THAP12: variants seen among roughly 807,000 people sequenced by gnomAD.
THAP12 encodes the protein 52 kDa repressor of the inhibitor of the protein kinase.
In THAP12, 20 loss-of-function variants were observed where a neutral mutation model predicts 63.0. The ratio of observed to expected loss-of-function variants is 0.32; its 90% CI spans 0.22 to 0.46. The LOEUF (loss-of-function observed/expected upper bound fraction) is 0.46, where lower values mean the gene tolerates loss of function less well. Among genes scored for constraint, THAP12 ranks in the 20% least tolerant of loss-of-function variants. The pLI is 1.00. For synonymous variants in THAP12, 264 were observed against 328.4 expected (o/e 0.80, Z 2.12); for missense variants, 568 against 908.2 (o/e 0.63, Z 4.81).
At chr11:76,372,180 C>T (rs1452670798) in intron 1 of THAP12, among the ~76,000 whole-genome samples, 1 of 151,944 alleles carries the variant, frequency 6.6e-6, no homozygotes, top group East Asian at 1.9e-4. Context: ...TCTCAAACTC[C>T]CGGGCTCAAG....
At chr11:76,380,554 G>A (rs1014613197) in intron 1 of THAP12, among the ~76,000 whole-genome samples, 194 bp downstream of exon 1, 2 of 152,146 alleles carry the variant, frequency 1.3e-5, no homozygotes, top group Admixed American at 1.3e-4. Context: ...CGTGCTCCGA[G>A]GTCCCCGGAC....
intron 1 of THAP12, among the ~76,000 whole-genome samples, chr11:76,366,850 C>T (rs1590804097): frequency 6.6e-6 from 1 of 152,070 alleles, no homozygotes; most frequent in East Asian, 1.9e-4. Flanking sequence ...ACTACACAAT[C>T]TAGTACACAA....
At chr11:76,379,774 TA>T (rs1946738011) in intron 1 of THAP12, among the ~76,000 whole-genome samples, 1 of 152,178 alleles carries the variant, frequency 6.6e-6, no homozygotes, top group Admixed American at 6.5e-5. Flanking sequence ...CATTAGAATG[TA>T]ATCTTCATGA....
intron 1 of THAP12, among the ~76,000 whole-genome samples, chr11:76,368,129 T>C (rs1225781220): frequency 6.6e-6 from 1 of 152,206 alleles, no homozygotes; most frequent in Non-Finnish European, 1.5e-5. Context: ...ACTGTACATA[T>C]TACCTCCGAA....
intron 1 of THAP12, among the ~76,000 whole-genome samples, chr11:76,376,019 C>A (rs1946707455): frequency 6.6e-6 from 1 of 152,102 alleles, no homozygotes; most frequent in Non-Finnish European, 1.5e-5. Context: ...TTTATAAAGA[C>A]CGAAAGTGGA....
intron 1 of THAP12, among the ~76,000 whole-genome samples, chr11:76,370,052 G>GT (rs1381057930): frequency 6.6e-6 from 1 of 152,234 alleles, no homozygotes; most frequent in Non-Finnish European, 1.5e-5. Context: ...TTTGGGGAGG[G>GT]TAACAACTGG....
chr11:76,379,929 C>G (rs772164556), intron 1 of THAP12, among the ~76,000 whole-genome samples: 76 of 152,170 alleles, frequency 5.0e-4, no homozygotes, highest in Non-Finnish European at 9.3e-4. Flanking sequence ...CCTTACTGGA[C>G]TGAGAGCTTT....
At chr11:76,377,500 A>C (rs1200053042) in intron 1 of THAP12, among the ~76,000 whole-genome samples, 1 of 152,192 alleles carries the variant, frequency 6.6e-6, no homozygotes, top group Non-Finnish European at 1.5e-5. Context: ...GAATCATACA[A>C]CATATAAGCT....
At chr11:76,360,532 A>AT (rs1033542498) in intron 3 of THAP12, among the ~76,000 whole-genome samples, 1 of 152,228 alleles carries the variant, frequency 6.6e-6, no homozygotes, top group Non-Finnish European at 1.5e-5. Flanking sequence ...AACCCTGTAC[A>AT]TATTTAATAG....
intron 3 of THAP12, chr11:76,356,514 G>C (rs1174487850): frequency 6.6e-6 from 1 of 152,150 alleles, no homozygotes; most frequent in Non-Finnish European, 1.5e-5. Context: ...GCAAGTGATT[G>C]AGCTCCTCAT....
intron 2 of THAP12, among the ~76,000 whole-genome samples, chr11:76,362,984 AAT>A (rs1565233254): frequency 6.6e-6 from 1 of 152,138 alleles, no homozygotes; most frequent in Non-Finnish European, 1.5e-5. Flanking sequence ...CTCTACAAAA[AAT>A]ACAAAAATTA....
intron 1 of THAP12, among the ~76,000 whole-genome samples, chr11:76,375,745 G>GTT (rs1555025959): frequency 3.2e-5 from 1 of 31,256 alleles, no homozygotes; most frequent in Non-Finnish European, 1.1e-4. Flanking sequence ...TAGAAGAAAA[G>GTT]GTGGGGGGGG....
At chr11:76,366,866 G>T (rs1946634863) in intron 1 of THAP12, among the ~76,000 whole-genome samples, 1 of 151,830 alleles carries the variant, frequency 6.6e-6, no homozygotes, top group Non-Finnish European at 1.5e-5. Context: ...CACAAAAAGT[G>T]TTGAAGACAG....
rs542632290 is a variant in THAP12 at position 76,350,411 on chromosome 11, T to C, written c.*453A>G. 6.5e-6 allele frequency: 1 copy of C among 152,828 alleles called. No homozygotes were observed. Among genetic ancestry groups the C allele is most frequent in the East Asian group, 1.9e-4 (1 of 5,332 alleles). 9.5% of individuals were successfully genotyped at this position (152,828 alleles called of 1,614,324 possible). ...CTTTTCTCCGGTAATTTCTTGTAAC[T>C]GTCCAGTATAGATTTTTAACATACT... On this transcript the variant is annotated 3_prime_UTR_variant, in exon 5 of 5. Transcript: ENST00000260045.
chr11:76,380,487 G>C (rs1054014178), intron 1 of THAP12, among the ~76,000 whole-genome samples: 1 of 152,180 alleles, frequency 6.6e-6, no homozygotes, highest in Non-Finnish European at 1.5e-5. Context: ...TCCGCGCGCC[G>C]CCCCAGCTCC....
chr11:76,366,997 C>G (rs1301695312), intron 1 of THAP12, among the ~76,000 whole-genome samples: 1 of 152,018 alleles, frequency 6.6e-6, no homozygotes, highest in Non-Finnish European at 1.5e-5. Context: ...CTATTAATAT[C>G]CCCCTTGTGC....
In THAP12 at chr11:76,380,848, C is replaced by T; in HGVS notation, c.-12G>A. ...CAGAAGTTCGGCATCGTCGCCCGCC[C>T]GCCGGCCGGCCCAGCCCTCCCCTCC... On this transcript the variant is annotated 5_prime_UTR_variant, in exon 1 of 5. Coordinates refer to ENST00000260045, the MANE Select transcript of THAP12 (RefSeq NM_004705.4). The T allele has an allele frequency of 7.0e-7, 1 of 1,420,780 alleles. No individual in the cohort carries two copies. Among genetic ancestry groups the T allele is most frequent in the Non-Finnish European group, 9.3e-7 (1 of 1,075,368 alleles). 88.0% of individuals were successfully genotyped at this position (1,420,780 alleles called of 1,614,324 possible).
chr11:76,374,080 T>G (rs1160932598), intron 1 of THAP12, among the ~76,000 whole-genome samples: 1 of 152,204 alleles, frequency 6.6e-6, no homozygotes, highest in Non-Finnish European at 1.5e-5. Flanking sequence ...TATGTTGTTT[T>G]GGTTGAAATA....
chr11:76,354,030 G>A (rs1946544688), intron 4 of THAP12, among the ~76,000 whole-genome samples: 1 of 152,202 alleles, frequency 6.6e-6, no homozygotes, highest in South Asian at 2.1e-4. Context: ...AGACTATGGA[G>A]GGCGGTGGGG....
Sources: allele counts gnomAD v4.1 joint callset (sites outside exome capture counted in the v4.1 genomes callset), GRCh38; gene constraint gnomAD v4.1.1; transcripts MANE v1.5; gene names NCBI Gene and HGNC (gene_info 2026-07-23, HGNC 2026-07-21).